Variants in PTPRD observed in about 807,000 individuals in gnomAD.
PTPRD encodes protein tyrosine phosphatase receptor type D.
PTPRD carries 34 observed loss-of-function variants against 214.5 expected under a neutral mutation model. That is an observed-to-expected ratio of 0.16 (90% confidence interval 0.12 to 0.21). The LOEUF is 0.21. Among genes scored for constraint, PTPRD ranks in the 10% least tolerant of loss-of-function variants. The pLI, the probability that PTPRD is intolerant of heterozygous loss-of-function variation, is 1.00. For missense variants in PTPRD, 2,545 were observed against 2,398.7 expected (o/e 1.06, Z -1.27); for synonymous variants, 1,128 against 845.7 (o/e 1.33, Z -5.79).
At chr9:9,689,056 G>A (rs1454071188) in intron 7 of PTPRD, among the ~76,000 whole-genome samples, 1 of 151,836 alleles carries the variant, frequency 6.6e-6, no homozygotes, top group Non-Finnish European at 1.5e-5. Flanking sequence ...AATGAGTAAA[G>A]TGAAACTCAA....
At chr9:8,972,332 C>G (rs1432032461) in intron 11 of PTPRD, among the ~76,000 whole-genome samples, 1 of 151,788 alleles carries the variant, frequency 6.6e-6, no homozygotes. Context: ...AAAAGAATGA[C>G]AAAAATATCG....
At chr9:8,835,543 G>C (rs1050087484) in intron 11 of PTPRD, among the ~76,000 whole-genome samples, 7 of 151,980 alleles carry the variant, frequency 4.6e-5, no homozygotes, top group African/African-American at 1.7e-4. Flanking sequence ...TGTTGTTGTT[G>C]CTGTTGAGAC....
chr9:10,247,912 A>G (rs2092344892), intron 3 of PTPRD, among the ~76,000 whole-genome samples: 1 of 152,112 alleles, frequency 6.6e-6, no homozygotes, highest in African/African-American at 2.4e-5. Flanking sequence ...CCTATGTGTT[A>G]TGGGAGGGAC....
intron 12 of PTPRD, among the ~76,000 whole-genome samples, chr9:8,690,692 G>A (rs1257738590): frequency 6.6e-6 from 1 of 151,812 alleles, no homozygotes; most frequent in Non-Finnish European, 1.5e-5. Flanking sequence ...AGAGGGGGGA[G>A]AATGAAAAAC....
intron 27 of PTPRD, among the ~76,000 whole-genome samples, chr9:8,491,157 A>G (rs1376428609): frequency 6.6e-6 from 1 of 152,238 alleles, no homozygotes; most frequent in Non-Finnish European, 1.5e-5. Flanking sequence ...TTACAAAAGT[A>G]AACGTGTAGG....
chr9:9,941,288 G>A (rs1437307210), intron 4 of PTPRD, among the ~76,000 whole-genome samples: 1 of 152,098 alleles, frequency 6.6e-6, no homozygotes, highest in Non-Finnish European at 1.5e-5. Flanking sequence ...TTCACAGCCA[G>A]GTTCTTAATA....
At chr9:9,536,074 A>G (rs1016515533) in intron 8 of PTPRD, among the ~76,000 whole-genome samples, 1 of 152,090 alleles carries the variant, frequency 6.6e-6, no homozygotes, top group Non-Finnish European at 1.5e-5. Flanking sequence ...TAGATATAAC[A>G]GTATCTGTTA....
At chr9:8,974,438 T>G (rs866629581) in intron 11 of PTPRD, among the ~76,000 whole-genome samples, 6 of 152,100 alleles carry the variant, frequency 3.9e-5, no homozygotes, top group Admixed American at 6.6e-5. Flanking sequence ...GGGATACATG[T>G]GCAGAACATG....
chr9:8,860,344 G>C (rs938339368), intron 11 of PTPRD: 1 of 152,136 alleles, frequency 6.6e-6, no homozygotes, highest in Non-Finnish European at 1.5e-5. Context: ...CCAGAAATCA[G>C]GGGATACAGA....
At chr9:10,421,495 T>C (rs923432501) in intron 2 of PTPRD, among the ~76,000 whole-genome samples, 2 of 151,910 alleles carry the variant, frequency 1.3e-5, no homozygotes, top group African/African-American at 4.8e-5. Flanking sequence ...ACAAATATAA[T>C]AAAATACCAT....
At chr9:8,405,769 G>C (rs907270834) in intron 35 of PTPRD, among the ~76,000 whole-genome samples, 1 of 151,970 alleles carries the variant, frequency 6.6e-6, no homozygotes, top group Admixed American at 6.6e-5. Context: ...ACTCTATTAT[G>C]TTAACATAAT....
In PTPRD at chr9:9,154,147, A is replaced by G. The variant is rs780409898; in HGVS notation, c.-143+29157T>C. On this transcript the variant is annotated intron_variant, in intron 10 of 45. Coordinates refer to ENST00000381196, the MANE Select transcript of PTPRD (RefSeq NM_002839.4). ...CTGGGAGCTGCAACTCCGTCAGACC[A>G]AAAGAAAGACCTAAACCTGATGTTG... 4.7e-4 allele frequency among the ~76,000 whole-genome samples: 71 copies of G among 152,282 alleles called. 1 individual carries two copies. The highest frequency in any genetic ancestry group is 1.2e-3 in the Admixed American group (19 of 15,280).
chr9:9,688,237 G>A (rs1014660899), intron 7 of PTPRD, among the ~76,000 whole-genome samples: 1 of 151,798 alleles, frequency 6.6e-6, no homozygotes, highest in South Asian at 2.1e-4. Context: ...ATATAAGCTG[G>A]CCTTTTAAAA....
chr9:8,454,527 C>T (rs907462302), intron 33 of PTPRD: 2 of 1,598,678 alleles, frequency 1.3e-6, no homozygotes, highest in Non-Finnish European at 1.7e-6. Context: ...TGAAGTCTAC[C>T]AGTTTATTTT....
At chr9:9,655,086 C>T (rs557072330) in intron 7 of PTPRD, among the ~76,000 whole-genome samples, 2 of 151,726 alleles carry the variant, frequency 1.3e-5, no homozygotes, top group Non-Finnish European at 2.9e-5. Context: ...TATATTTATT[C>T]TAAACCTATT....
At chr9:9,646,633 T>C (rs978859585) in intron 7 of PTPRD, among the ~76,000 whole-genome samples, 2 of 152,136 alleles carry the variant, frequency 1.3e-5, no homozygotes, top group African/African-American at 4.8e-5. Context: ...TCCTCCTCTT[T>C]ATACTATCCT....
At chr9:9,264,497 A>G (rs1419491515) in intron 9 of PTPRD, among the ~76,000 whole-genome samples, 1 of 151,614 alleles carries the variant, frequency 6.6e-6, no homozygotes, top group Non-Finnish European at 1.5e-5. Context: ...AATATTTTTA[A>G]AAGATAACAG....
chr9:9,482,087 C>A (rs2095437907), intron 8 of PTPRD, among the ~76,000 whole-genome samples: 1 of 151,880 alleles, frequency 6.6e-6, no homozygotes, highest in Non-Finnish European at 1.5e-5. Context: ...CCTAGCAGTT[C>A]CCCGAGAAGA....
intron 21 of PTPRD, among the ~76,000 whole-genome samples, chr9:8,507,682 T>G (rs2097569797): frequency 6.6e-6 from 1 of 152,174 alleles, no homozygotes; most frequent in South Asian, 2.1e-4. Context: ...ATAAAGTATA[T>G]CGGCCTCTGA....
Sources: gnomAD v4.1 joint callset for allele counts (sites outside exome capture counted in the v4.1 genomes callset) on GRCh38, gnomAD v4.1.1 for gene constraint, MANE v1.5 for transcripts, NCBI Gene and HGNC (gene_info 2026-07-23, HGNC 2026-07-21) for gene names.